The following CIZ1 variants were observed in gnomAD, a reference collection of about 807,000 sequenced individuals.
CIZ1 encodes the protein cip1-interacting zinc finger protein.
Under a neutral mutation model 118.6 loss-of-function variants are expected in CIZ1, and 58 were observed. The observed-to-expected ratio is 0.49, with a 90% CI of 0.40 to 0.61. The LOEUF (loss-of-function observed/expected upper bound fraction) is 0.61, where lower values mean the gene tolerates loss of function less well. Among genes scored for constraint, CIZ1 ranks in the 20% least tolerant of loss-of-function variants. The probability of loss-of-function intolerance (pLI) is 0.00; values close to 1 mark genes in which losing one functional copy is unlikely to be tolerated. For missense variants in CIZ1, 921 were observed against 1,115.9 expected, an observed-to-expected ratio of 0.83 and a Z score of 2.49; for synonymous variants, 448 against 443.4, an observed-to-expected ratio of 1.01 and a Z score of -0.13.
chr9:128,185,936 CT>C (rs1832309350), intron 4 of CIZ1, among the ~76,000 whole-genome samples, 160 bp from the exon 5 acceptor site: 2 of 152,158 alleles, frequency 1.3e-5, no homozygotes, highest in African/African-American at 4.8e-5. Context: ...AGAGCTGAGG[CT>C]CAGCCCCATC....
At chr9:128,190,592 G>C in intron 2 of CIZ1, 96 bp downstream of exon 2, 1 of 1,458,902 alleles carries the variant, frequency 6.9e-7, no homozygotes, top group Non-Finnish European at 9.2e-7. Context: ...GGACTCAAAC[G>C]GGGATGGCAC....
chr9:128,190,502 C>T, intron 2 of CIZ1, 58 bp from the exon 3 acceptor site: 1 of 1,431,196 alleles, frequency 7.0e-7, no homozygotes, highest in South Asian at 1.2e-5. Flanking sequence ...TTCCTTCTTC[C>T]CCAAGGCTTC....
chr9:128,191,998 G>C, upstream of CIZ1: 1 of 1,183,380 alleles, frequency 8.5e-7, no homozygotes, highest in Non-Finnish European at 1.1e-6. This position sits in a 1 kb window ranked among gnomAD's most constrained non-coding sequence, Gnocchi z 5.5. Flanking sequence ...TCCGTCAGGA[G>C]TTTGCCCACG....
intron 4 of CIZ1, among the ~76,000 whole-genome samples, chr9:128,186,939 C>CT (rs549888043): frequency 0.012 from 1,617 of 134,454 alleles, 13 homozygotes; most frequent in African/African-American, 0.019. Flanking sequence ...TCCTTGTCTG[C>CT]TTTTTTTTTT....
intron 1 of CIZ1, among the ~76,000 whole-genome samples, chr9:128,201,549 T>C (rs1481556974): frequency 6.6e-6 from 1 of 152,222 alleles, no homozygotes; most frequent in African/African-American, 2.4e-5. Context: ...CTGGTGCCAG[T>C]CATCCAGGCT....
intron 6 of CIZ1, 31 bp from the exon 7 acceptor site, chr9:128,180,554 T>G: frequency 6.3e-7 from 1 of 1,582,174 alleles, no homozygotes; most frequent in Non-Finnish European, 8.7e-7. Context: ...AGGGAACTCA[T>G]GTTGGGAAGA....
intron 3 of CIZ1, among the ~76,000 whole-genome samples, chr9:128,189,057 T>C (rs1453879212): frequency 6.6e-6 from 1 of 152,082 alleles, no homozygotes; most frequent in East Asian, 1.9e-4. Context: ...TCGGTCGGCC[T>C]CCCAATGTGC....
At chr9:128,173,813 T>C (rs45467197) in intron 11 of CIZ1, among the ~76,000 whole-genome samples, 34 of 152,060 alleles carry the variant, frequency 2.2e-4, no homozygotes, top group Admixed American at 3.9e-4. Flanking sequence ...AAGACCATCC[T>C]GGCTAACACA....
At chr9:128,170,655 C>A (rs866223079) in intron 11 of CIZ1, among the ~76,000 whole-genome samples, 6 of 151,236 alleles carry the variant, frequency 4.0e-5, no homozygotes, top group Non-Finnish European at 8.9e-5. Flanking sequence ...ACCCCCATCT[C>A]AAAAAAAAGA....
Position 128,203,414 on chromosome 9 carries a change from T to TCGGAGCCGGGAGC in CIZ1, c.-6+759_-6+771dup. Reference sequence around the variant, plus strand: ...CGCGGCTGCAGCGGCGGAGCCGGAGTCGGAGCCGGGAGCGCTAGCGGCAGC... The same window carrying TCGGAGCCGGGAGC: ...CGCGGCTGCAGCGGCGGAGCCGGAGTCGGAGCCGGGAGCCGGAGCCGGGAGCGCTAGCGGCAGC... On this transcript the variant is annotated intron_variant, in intron 1 of 17. Transcript: ENST00000372948. The surrounding 1 kb of genome is among the most constrained non-coding windows in gnomAD (Gnocchi z 5.3). The TCGGAGCCGGGAGC allele has an allele frequency of 7.3e-7, 1 of 1,361,452 alleles. No individual in the cohort carries two copies. The highest frequency in any genetic ancestry group is 1.6e-5 in the South Asian group (1 of 61,106). 84.3% of individuals were successfully genotyped at this position (1,361,452 alleles called of 1,614,324 possible).
At chr9:128,187,306 G>T (rs991376143) in intron 4 of CIZ1, among the ~76,000 whole-genome samples, 1 of 152,182 alleles carries the variant, frequency 6.6e-6, no homozygotes, top group Non-Finnish European at 1.5e-5. Context: ...CCCAGAGCTT[G>T]GGAAGTATTT....
intron 1 of CIZ1, chr9:128,197,857 C>T (rs1833415775): frequency 6.6e-6 from 1 of 152,240 alleles, no homozygotes; most frequent in East Asian, 1.9e-4. Context: ...CATCACTGAA[C>T]CGTCACACAA....
chr9:128,181,122 T>G (rs78289689), intron 5 of CIZ1, among the ~76,000 whole-genome samples: 3 of 146,280 alleles, frequency 2.1e-5, no homozygotes, highest in Non-Finnish European at 3.0e-5. Flanking sequence ...AGTGGGGTCC[T>G]TTTTTTTTTT....
At chr9:128,188,117 C>CAAAAAA (rs34796767) in intron 3 of CIZ1, among the ~76,000 whole-genome samples, 183 bp from the exon 4 acceptor site, 2 of 104,792 alleles carry the variant, frequency 1.9e-5, no homozygotes, top group African/African-American at 3.5e-5. Flanking sequence ...AAGAAAAAAG[C>CAAAAAA]AAAAAAAAAA....
At position 128,166,841 on chromosome 9, in the gene CIZ1, C is replaced by G. The variant is rs765346058; in HGVS notation, c.2405G>C (p.Arg802Pro). 6.2e-7 allele frequency: 1 copy of G among 1,614,136 alleles called. No individual in the cohort carries two copies. Among genetic ancestry groups the G allele is most frequent in the Non-Finnish European group, 8.5e-7 (1 of 1,180,020 alleles). Residue 802 changes from arginine (R) to proline (P), a missense_variant, in exon 16 of 17, where the codon CGC (arginine) becomes CCC (proline). Transcript: ENST00000372938. The surrounding 1 kb of genome is among the most constrained non-coding windows in gnomAD (Gnocchi z 4.4). ...GCTGTGATAGAACTTGTGGCAGATG[C>G]GGCAGATATAGCCCATCACGGGCAC... is the stretch of plus-strand genomic sequence containing the variant. The part of the protein sequence containing the change: ...FLVPVMGYIC[R>P]ICHKFYHSNS...
intron 13 of CIZ1, 61 bp from the exon 14 acceptor site, chr9:128,169,262 A>ATC: frequency 8.4e-7 from 1 of 1,185,924 alleles, no homozygotes; most frequent in Non-Finnish European, 1.2e-6. Flanking sequence ...GCCATGCCCT[A>ATC]CCCACCCCAC....
At chr9:128,191,917 G>A, upstream of CIZ1, 1 of 1,436,526 alleles carries the variant, frequency 7.0e-7, no homozygotes, top group Non-Finnish European at 9.2e-7. This position sits in a 1 kb window ranked among gnomAD's most constrained non-coding sequence, Gnocchi z 5.5. Context: ...GTGAGAGGGG[G>A]CGCGCAGTTG....
intron 5 of CIZ1, among the ~76,000 whole-genome samples, chr9:128,183,248 A>G (rs1831908903): frequency 6.6e-6 from 1 of 152,200 alleles, no homozygotes. Flanking sequence ...ACCCTGCACG[A>G]AACAGGCACC....
intron 3 of CIZ1, among the ~76,000 whole-genome samples, chr9:128,188,471 T>C (rs1194097939): frequency 1.3e-5 from 2 of 152,154 alleles, no homozygotes. Context: ...TTAAAGAGTG[T>C]GACTTTTATT....
Sources: allele counts gnomAD v4.1 joint callset (sites outside exome capture counted in the v4.1 genomes callset), GRCh38; gene constraint gnomAD v4.1.1; non-coding constraint Gnocchi (gnomAD v3.1); transcripts MANE v1.5; gene names NCBI Gene and HGNC (gene_info 2026-07-23, HGNC 2026-07-21).